The following SEMG2 variants were observed in gnomAD, a reference collection of about 807,000 sequenced individuals.
SEMG2 encodes the protein semenogelin 2, also known as semenogelin-2.
A neutral mutation model predicts 8.1 loss-of-function variants in SEMG2; 3 were observed. The observed-to-expected ratio is 0.37, with a 90% CI of 0.17 to 0.96. The LOEUF (loss-of-function observed/expected upper bound fraction) is 0.96, where lower values mean the gene tolerates loss of function less well. Among genes scored for constraint, SEMG2 ranks in the 40% least tolerant of loss-of-function variants. SEMG2 has a pLI of 0.41. For missense variants in SEMG2, 726 were observed against 671.2 expected, an observed-to-expected ratio of 1.08 and a Z score of -0.90; for synonymous variants, 252 against 231.4, an observed-to-expected ratio of 1.09 and a Z score of -0.81.
In SEMG2 at chr20:45,222,894, G is replaced by A; in HGVS notation, c.1262G>A (p.Gly421Glu). The A allele has an allele frequency of 6.2e-7, 1 of 1,613,346 alleles. No homozygotes were observed. The highest frequency in any genetic ancestry group is 1.6e-4 in the Middle Eastern group (1 of 6,062). Reference sequence around the variant, plus strand: ...ACAGAAGAAAGACGTCTCAACAGTGGAGAAAAGGATGTACAGAAAGGTGTA... The same window carrying A: ...ACAGAAGAAAGACGTCTCAACAGTGAAGAAAAGGATGTACAGAAAGGTGTA... ...SSTEERRLNS[G>E]EKDVQKGVSK... The change falls in exon 2 of 3, where the codon GGA (glycine) becomes GAA (glutamate). Residue 421 changes from glycine to glutamate, a missense_variant. Transcript: ENST00000372769.
In SEMG2 at chr20:45,221,864, TG is replaced by T; in HGVS notation, c.234del (p.Trp78Ter). On this transcript the variant is annotated frameshift_variant, in exon 2 of 3. Transcript: ENST00000372769. LOFTEE classifies it low-confidence loss of function (END_TRUNC). Reference sequence around the variant, plus strand: ...TCATGTAGACATCAATGATCATGACTGGACCCGAAAAAGTCAGCAATATGAT... The same window carrying T: ...TCATGTAGACATCAATGATCATGACTGACCCGAAAAAGTCAGCAATATGAT... ...TYHVDINDHD[W>X]TRKSQQYDLN... 6.2e-7 allele frequency: 1 copy of T among 1,614,096 alleles called. No homozygotes were observed. The highest frequency in any genetic ancestry group is 8.5e-7 in the Non-Finnish European group (1 of 1,180,004).
At position 45,223,047 on chromosome 20, in the gene SEMG2, G is replaced by A; in HGVS notation, c.1415G>A (p.Ser472Asn). ...KENKMSYQSSSTEERRLNYGG... is the reference protein window; with the variant it reads ...KENKMSYQSSNTEERRLNYGG... ...AATAAAATGTCATACCAATCTTCAA[G>A]TACAGAAGAAAGACGACTCAACTAT... Residue 472 changes from serine (S) to asparagine (N), a missense_variant, in exon 2 of 3, where the codon AGT (serine) becomes AAT (asparagine). Transcript: ENST00000372769. The A allele has an allele frequency of 6.2e-7, 1 of 1,614,120 alleles. No individual in the cohort carries two copies. The highest frequency in any genetic ancestry group is 8.5e-7 in the Non-Finnish European group (1 of 1,180,016).
At chr20:45,223,485 A>G in intron 2 of SEMG2, 60 bp downstream of exon 2, 1 of 703,706 alleles carries the variant, frequency 1.4e-6, no homozygotes, top group Admixed American at 2.7e-5. Context: ...GGGACTCTCC[A>G]GGAACATGGT....
rs750263263 is a variant in SEMG2, at chr20:45,222,930, G to A, written c.1298G>A (p.Ser433Asn). 2 of 1,612,964 alleles carry A rather than the reference G, an allele frequency of 1.2e-6. No individual in the cohort carries two copies. The highest frequency in any genetic ancestry group is 1.1e-5 in the South Asian group (1 of 91,040). ...KDVQKGVSKG[S>N]ISIQTEEKIH... ...GTACAGAAAGGTGTATCCAAAGGCA[G>A]TATTTCTATCCAAACTGAAGAGAAA... Residue 433 changes from serine (S) to asparagine (N), a missense_variant, in exon 2 of 3, where the codon AGT (serine) becomes AAT (asparagine). Physicochemically the swap from Ser to Asn is conservative, Grantham distance 46. Coordinates refer to ENST00000372769, the MANE Select transcript of SEMG2 (RefSeq NM_003008.3).
chr20:45,222,987 T>C lies in SEMG2; in HGVS notation c.1355T>C (p.Ile452Thr). 1 of 1,613,878 alleles carries C rather than the reference T, an allele frequency of 6.2e-7. No individual in the cohort carries two copies. The highest frequency in any genetic ancestry group is 8.5e-7 in the Non-Finnish European group (1 of 1,179,976). The change falls in exon 2 of 3, where the codon ATT (isoleucine) becomes ACT (threonine). Residue 452 changes from isoleucine (I) to threonine (T), a missense_variant. By Grantham distance (89) the Ile-to-Thr change is moderately conservative (BLOSUM62 -1). Transcript: ENST00000372769. The stretch of plus-strand genomic sequence containing the variant: ...GGCAAGTCTCAAAACCAGGTAACAA[T>C]TCCTAGTCAAGATCAAGAGCATGGC... ...IHGKSQNQVT[I>T]PSQDQEHGHK... is the part of the protein sequence containing the mutation.
rs1984022931 is a variant in SEMG2 at position 45,221,903 on chromosome 20, C to T, written c.271C>T (p.His91Tyr). ...KSQQYDLNAL[H>Y]KATKSKQHLG... ...TCAGCAATATGATTTGAATGCCCTA[C>T]ATAAGGCGACAAAATCAAAACAACA... The change falls in exon 2 of 3, where the codon CAT (histidine) becomes TAT (tyrosine). Residue 91 changes from histidine to tyrosine, a missense_variant. Physicochemically the swap from His to Tyr is moderately conservative, Grantham distance 83. Coordinates refer to ENST00000372769, the MANE Select transcript of SEMG2 (RefSeq NM_003008.3). The T allele has an allele frequency of 6.2e-7, 1 of 1,613,580 alleles. No homozygotes were observed. The highest frequency in any genetic ancestry group is 1.3e-5 in the African/African-American group (1 of 74,998).
In SEMG2 at chr20:45,223,059, G is replaced by A. The variant is rs1160537391; in HGVS notation, c.1427G>A (p.Arg476Lys). The A allele has an allele frequency of 1.2e-5, 19 of 1,614,156 alleles. No individual in the cohort carries two copies. Among genetic ancestry groups the A allele is most frequent in the Non-Finnish European group, 1.6e-5 (19 of 1,180,012 alleles). ...TACCAATCTTCAAGTACAGAAGAAA[G>A]ACGACTCAACTATGGAGGAAAGAGC... ...MSYQSSSTEERRLNYGGKSTQ... is the reference protein window; with the variant it reads ...MSYQSSSTEEKRLNYGGKSTQ... Residue 476 changes from arginine (R) to lysine (K), a missense_variant, in exon 2 of 3, where the codon AGA becomes AAA. Transcript: ENST00000372769.
Position 45,222,509 on chromosome 20 carries a change from A to G in SEMG2, c.877A>G (p.Thr293Ala). Reference sequence around the variant, plus strand: ...TAAAATATCATACCCGTCTTCACGTACAGAAGAAAGACAACTTCACCATGG... The same window carrying G: ...TAAAATATCATACCCGTCTTCACGTGCAGAAGAAAGACAACTTCACCATGG... ...AHKISYPSSR[T>A]EERQLHHGEK... The change falls in exon 2 of 3, where the codon ACA becomes GCA. Residue 293 changes from threonine (T) to alanine (A), a missense_variant. By Grantham distance (58) the Thr-to-Ala change is moderately conservative (BLOSUM62 0). Transcript: ENST00000372769. The G allele has an allele frequency of 6.2e-7, 1 of 1,613,996 alleles. No individual in the cohort carries two copies. Among genetic ancestry groups the G allele is most frequent in the Non-Finnish European group, 8.5e-7 (1 of 1,179,976 alleles).
rs202016887 is a variant in SEMG2, at chr20:45,222,624, C to A, written c.992C>A (p.Thr331Lys). The change falls in exon 2 of 3, where the codon ACA becomes AAA. Residue 331 changes from threonine to lysine, a missense_variant. Transcript: ENST00000372769. ...CATGGCAAGTCTCAAAACCAGGTAA[C>A]AATTCATAGTCAAGATCAAGAGCAT... Reference protein sequence around the residue: ...KIHGKSQNQVTIHSQDQEHGH... With the variant: ...KIHGKSQNQVKIHSQDQEHGH... 71 of 1,611,236 alleles carry A rather than the reference C, an allele frequency of 4.4e-5. No individual in the cohort carries two copies. Among genetic ancestry groups the A allele is most frequent in the Non-Finnish European group, 5.6e-5 (66 of 1,179,218 alleles).
rs1984020189 is a variant in SEMG2 at position 45,221,824 on chromosome 20, T to C, written c.192T>C (p.Ser64=). The change falls in exon 2 of 3, where the codon TCT becomes TCC. Residue 64 remains serine (S), a synonymous_variant. Transcript: ENST00000372769. ...ATACTAAATCCAAAGGCAGTTTTTC[T>C]ATTCAACACACATATCATGTAGACA... ...QQHTKSKGSF[S]IQHTYHVDIN... is the part of the protein sequence containing the mutation. 2 of 1,614,206 alleles carry C rather than the reference T, an allele frequency of 1.2e-6. No individual in the cohort carries two copies. The highest frequency in any genetic ancestry group is 1.7e-6 in the Non-Finnish European group (2 of 1,180,020).
chr20:45,222,542 A>G lies in SEMG2; in HGVS notation c.910A>G (p.Ser304Gly). ...EERQLHHGEK[S>G]VQKDVSKGSI... Reference sequence around the variant, plus strand: ...AAGACAACTTCACCATGGAGAAAAGAGTGTACAGAAAGATGTATCCAAAGG... The same window carrying G: ...AAGACAACTTCACCATGGAGAAAAGGGTGTACAGAAAGATGTATCCAAAGG... Residue 304 changes from serine to glycine, a missense_variant, in exon 2 of 3, where the codon AGT becomes GGT. Physicochemically the swap from Ser to Gly is moderately conservative, Grantham distance 56. Transcript: ENST00000372769. 3 of 1,614,140 alleles carry G rather than the reference A, an allele frequency of 1.9e-6. No individual in the cohort carries two copies. Among genetic ancestry groups the G allele is most frequent in the Non-Finnish European group, 2.5e-6 (3 of 1,180,010 alleles).
rs1438670643 is a variant in SEMG2 at position 45,222,076 on chromosome 20, T to C, written c.444T>C (p.Asn148=). The C allele has an allele frequency of 3.7e-6, 6 of 1,613,912 alleles. No homozygotes were observed. Among genetic ancestry groups the C allele is most frequent in the Admixed American group, 1.7e-5 (1 of 59,998 alleles). Residue 148 remains asparagine (N), a synonymous_variant, in exon 2 of 3, where the codon AAT becomes AAC. Coordinates refer to ENST00000372769, the MANE Select transcript of SEMG2 (RefSeq NM_003008.3). ...AAAATCCTTCTCAAGATCAGGGGAA[T>C]AGCCCATCTGGAAAGGGATTATCCA... ...GTQNPSQDQG[N]SPSGKGLSSQ...
chr20:45,223,495 T>A, intron 2 of SEMG2, 70 bp downstream of exon 2: 1 of 653,364 alleles, frequency 1.5e-6, no homozygotes. Context: ...AGGAACATGG[T>A]AGGACTGATA....
chr20:45,223,907 C>A (rs1984083429), intron 2 of SEMG2, among the ~76,000 whole-genome samples: 1 of 152,148 alleles, frequency 6.6e-6, no homozygotes, highest in South Asian at 2.1e-4. Flanking sequence ...CAAAGACTAG[C>A]AGTCCACTCT....
At position 45,222,549 on chromosome 20, in the gene SEMG2, A is replaced by T. The variant is rs1984045830; in HGVS notation, c.917A>T (p.Gln306Leu). Residue 306 changes from glutamine (Q) to leucine (L), a missense_variant, in exon 2 of 3, where the codon CAG (glutamine) becomes CTG (leucine). Coordinates refer to ENST00000372769, the MANE Select transcript of SEMG2 (RefSeq NM_003008.3). ...CTTCACCATGGAGAAAAGAGTGTAC[A>T]GAAAGATGTATCCAAAGGCAGCATT... Reference protein sequence around the residue: ...RQLHHGEKSVQKDVSKGSISI... With the variant: ...RQLHHGEKSVLKDVSKGSISI... The T allele has an allele frequency of 6.2e-7, 1 of 1,614,170 alleles. No individual in the cohort carries two copies. Among genetic ancestry groups the T allele is most frequent in the Non-Finnish European group, 8.5e-7 (1 of 1,180,008 alleles).
Position 45,221,758 on chromosome 20 carries a change from A to G in SEMG2, c.126A>G (p.Gly42=), listed in dbSNP as rs775445924. 173 of 1,611,854 alleles carry G rather than the reference A, an allele frequency of 1.1e-4. No homozygotes were observed. Among genetic ancestry groups the G allele is most frequent in the Non-Finnish European group, 1.4e-4 (170 of 1,179,462 alleles). Residue 42 remains glycine, a synonymous_variant, in exon 2 of 3, where the codon GGA becomes GGG. Transcript: ENST00000372769. Reference sequence around the variant, plus strand: ...GCGGATCTTCCCAATTTCCACATGGACAAAAGGGCCAGCACTATTTTGGAC... The same window carrying G: ...GCGGATCTTCCCAATTTCCACATGGGCAAAAGGGCCAGCACTATTTTGGAC... ...LPSGSSQFPH[G]QKGQHYFGQK...
intron 1 of SEMG2, 118 bp from the exon 2 acceptor site, chr20:45,221,591 C>T: frequency 7.2e-7 from 1 of 1,390,448 alleles, no homozygotes; most frequent in African/African-American, 1.4e-5. Context: ...GATTTTTCTC[C>T]ACCCAACGCT....
chr20:45,221,714 T>C lies in SEMG2; in HGVS notation c.82T>C (p.Ser28Pro). The change falls in exon 2 of 3, where the codon TCA (serine) becomes CCA (proline). Residue 28 changes from serine to proline, a missense_variant. Coordinates refer to ENST00000372769, the MANE Select transcript of SEMG2 (RefSeq NM_003008.3). The stretch of plus-strand genomic sequence containing the variant: ...TTTCTATTATCAATTACCAGGTGGA[T>C]CAAAAGGCCAATTGCCAAGCGGATC... ...QAAVMGQKGG[S>P]KGQLPSGSSQ... 1 of 1,605,286 alleles carries C rather than the reference T, an allele frequency of 6.2e-7. No individual in the cohort carries two copies. The highest frequency in any genetic ancestry group is 8.5e-7 in the Non-Finnish European group (1 of 1,176,594).
chr20:45,222,296 A>G lies in SEMG2; in HGVS notation c.664A>G (p.Asn222Asp), dbSNP rs1252192099. 1.9e-6 allele frequency: 3 copies of G among 1,613,982 alleles called. No homozygotes were observed. In the African/African-American group the frequency reaches 4.0e-5, roughly 22 times the overall value. Reference protein sequence around the residue: ...NSHQNKGHYQNVVDVREEHSS... With the variant: ...NSHQNKGHYQDVVDVREEHSS... ...TCATCAAAATAAAGGGCATTACCAA[A>G]ATGTGGTTGACGTGAGAGAGGAACA... Residue 222 changes from asparagine to aspartate, a missense_variant, in exon 2 of 3, where the codon AAT becomes GAT. Coordinates refer to ENST00000372769, the MANE Select transcript of SEMG2 (RefSeq NM_003008.3).
Sources: allele counts gnomAD v4.1 joint callset (sites outside exome capture counted in the v4.1 genomes callset), GRCh38; gene constraint gnomAD v4.1.1; transcripts MANE v1.5; gene names NCBI Gene and HGNC (gene_info 2026-07-23, HGNC 2026-07-21).